Variants in AKAP6 observed in about 807,000 individuals in gnomAD.
The protein encoded by AKAP6 is A-kinase anchoring protein 6.
A neutral mutation model predicts 188.5 loss-of-function variants in AKAP6; 58 were observed. The observed-to-expected ratio is 0.31, with a 90% CI of 0.25 to 0.38. The LOEUF (loss-of-function observed/expected upper bound fraction) is 0.38, where lower values mean the gene tolerates loss of function less well. AKAP6 is among the 10% of genes least tolerant of loss of function. AKAP6 has a pLI of 1.00. For missense variants in AKAP6, 2,710 were observed against 2,740.0 expected (o/e 0.99, Z 0.24); for synonymous variants, 989 against 998.6 (o/e 0.99, Z 0.18).
chr14:32,438,735 C>T (rs755662440), intron 2 of AKAP6: 6 of 152,156 alleles, frequency 3.9e-5, no homozygotes, highest in Admixed American at 6.5e-5. Context: ...AGAATCTCTC[C>T]GCCTTCTTTG....
chr14:32,803,977 G>A (rs575498756), intron 12 of AKAP6, among the ~76,000 whole-genome samples: 6 of 152,256 alleles, frequency 3.9e-5, no homozygotes, highest in Admixed American at 3.9e-4. Flanking sequence ...TAATGGGTCT[G>A]ATTGGTTTTA....
intron 12 of AKAP6, among the ~76,000 whole-genome samples, chr14:32,780,157 C>CCATATATATATATATATAT (rs142218168): frequency 1.7e-5 from 2 of 119,392 alleles, no homozygotes; most frequent in African/African-American, 6.4e-5. Flanking sequence ...AAAAAAAAAA[C>CCATATATATATATATATAT]ATATATATAT....
At chr14:32,523,605 A>G (rs1881970331) in intron 2 of AKAP6, among the ~76,000 whole-genome samples, 1 of 151,724 alleles carries the variant, frequency 6.6e-6, no homozygotes, top group African/African-American at 2.4e-5. Flanking sequence ...AATAGCTGAG[A>G]CCACAGGCAC....
intron 9 of AKAP6, among the ~76,000 whole-genome samples, chr14:32,729,226 G>A (rs1171571453): frequency 2.0e-5 from 3 of 151,890 alleles, no homozygotes; most frequent in Non-Finnish European, 4.4e-5. Flanking sequence ...CTGTTTCAAG[G>A]CATTGTTCCA....
intron 7 of AKAP6, among the ~76,000 whole-genome samples, chr14:32,616,441 T>C (rs1399351440): frequency 6.6e-6 from 1 of 152,218 alleles, no homozygotes; most frequent in African/African-American, 2.4e-5. Flanking sequence ...AAAGAGATCA[T>C]GTCCTTTGCA....
chr14:32,821,744 G>A lies in AKAP6; in HGVS notation c.3931G>A (p.Val1311Ile). The A allele has an allele frequency of 3.1e-6, 5 of 1,613,674 alleles. No homozygotes were observed. The South Asian group carries it at 3.3e-5, about 11-fold the overall frequency. Residue 1311 changes from valine (V) to isoleucine (I), a missense_variant, in exon 13 of 14, where the codon GTC (valine) becomes ATC (isoleucine). Val to Ile is a conservative substitution (Grantham distance 29). This residue lies in a region of AKAP6 where 2,473 missense variants were observed against 2,426.1 expected (regional missense o/e 1.02). Coordinates refer to ENST00000280979, the MANE Select transcript of AKAP6 (RefSeq NM_004274.5). Reference protein sequence around the residue: ...HMPFLKNNPKVTGMTQPNVLT... With the variant: ...HMPFLKNNPKITGMTQPNVLT... The stretch of plus-strand genomic sequence containing the variant: ...GCCATTTCTGAAAAACAATCCAAAG[G>A]TCACTGGCATGACACAGCCTAATGT...
Position 32,603,518 on chromosome 14 carries a change from C to G in AKAP6, c.2730+2726C>G, listed in dbSNP as rs189953414. Reference sequence around the variant, plus strand: ...AGCATTTCTCAAAAAGAGGACCTGCCTACCCAGGCTCTTCCTCAGACCATA... The same window carrying G: ...AGCATTTCTCAAAAAGAGGACCTGCGTACCCAGGCTCTTCCTCAGACCATA... On this transcript the variant is annotated intron_variant, in intron 7 of 13. Transcript: ENST00000280979. 8.8e-4 allele frequency among the ~76,000 whole-genome samples: 134 copies of G among 152,266 alleles called. 1 individual carries two copies. The highest frequency in any genetic ancestry group is 2.9e-3 in the African/African-American group (122 of 41,560).
chr14:32,769,134 A>AC (rs1159400053), intron 11 of AKAP6, among the ~76,000 whole-genome samples: 3 of 131,788 alleles, frequency 2.3e-5, no homozygotes, highest in African/African-American at 8.7e-5. Context: ...TGCAACCTCC[A>AC]CCTCCTGGGC....
At chr14:32,464,983 T>G (rs968817535) in intron 2 of AKAP6, among the ~76,000 whole-genome samples, 1 of 152,116 alleles carries the variant, frequency 6.6e-6, no homozygotes, top group African/African-American at 2.4e-5. Flanking sequence ...TGAACTCCCA[T>G]TCACAACTGC....
intron 7 of AKAP6, among the ~76,000 whole-genome samples, chr14:32,620,976 G>T (rs932891290): frequency 6.6e-6 from 1 of 151,886 alleles, no homozygotes; most frequent in African/African-American, 2.4e-5. Flanking sequence ...AGTCTGGAAT[G>T]ATCATTTGTA....
At chr14:32,600,902 A>G (rs1885899521) in intron 7 of AKAP6, 110 bp downstream of exon 7, 1 of 997,032 alleles carries the variant, frequency 1.0e-6, no homozygotes, top group East Asian at 2.7e-5. Context: ...TACTGGGTAA[A>G]CTTTATATCT....
chr14:32,836,603 G>A lies in AKAP6; in HGVS notation c.*6798G>A, dbSNP rs1045421353. 2.6e-5 allele frequency: 4 copies of A among 152,192 alleles called. No homozygotes were observed. Among genetic ancestry groups the A allele is most frequent in the African/African-American group, 9.6e-5 (4 of 41,542 alleles). 9.4% of individuals were successfully genotyped at this position (152,192 alleles called of 1,614,324 possible). A position where few individuals can be genotyped will look rare whatever the true frequency, so the allele number is the denominator to read the frequency against. On this transcript the variant is annotated 3_prime_UTR_variant, in exon 14 of 14. Coordinates refer to ENST00000280979, the MANE Select transcript of AKAP6 (RefSeq NM_004274.5). ...GCAGAGTATCTTAAGGCAGCAGATTGGAGTGACGTTACTTTAAGGGTAACT... is the reference window on the plus strand; with the variant it reads ...GCAGAGTATCTTAAGGCAGCAGATTAGAGTGACGTTACTTTAAGGGTAACT...
At chr14:32,735,020 C>T (rs1223747930) in intron 10 of AKAP6, among the ~76,000 whole-genome samples, 4 of 151,994 alleles carry the variant, frequency 2.6e-5, no homozygotes, top group Admixed American at 6.6e-5. Context: ...AACACATATT[C>T]GGTATTAGAA....
chr14:32,336,065 T>G (rs61981848), intron 1 of AKAP6, among the ~76,000 whole-genome samples: 2,470 of 152,212 alleles, frequency 0.016, 32 homozygotes, highest in Middle Eastern at 0.034. Context: ...GAGATGCTGG[T>G]GACCAACTCC....
At chr14:32,792,217 G>A (rs867851001) in intron 12 of AKAP6, among the ~76,000 whole-genome samples, 17 of 152,084 alleles carry the variant, frequency 1.1e-4, no homozygotes, top group African/African-American at 3.4e-4. Flanking sequence ...TGGACAGTAC[G>A]GCCATTTTCA....
At chr14:32,761,765 C>T (rs939619892) in intron 11 of AKAP6, among the ~76,000 whole-genome samples, 1 of 151,970 alleles carries the variant, frequency 6.6e-6, no homozygotes, top group African/African-American at 2.4e-5. Context: ...TGTATGGCAC[C>T]GTACCCTCTC....
At chr14:32,375,250 G>T (rs963186437) in intron 1 of AKAP6, among the ~76,000 whole-genome samples, 3 of 152,192 alleles carry the variant, frequency 2.0e-5, no homozygotes, top group Admixed American at 6.5e-5. Flanking sequence ...ACGACTGGGT[G>T]TTTGATAATG....
At chr14:32,551,529 G>A (rs1204218869) in intron 4 of AKAP6, among the ~76,000 whole-genome samples, 1 of 143,464 alleles carries the variant, frequency 7.0e-6, no homozygotes, top group Non-Finnish European at 1.5e-5. Context: ...TTGGGAGCGT[G>A]CCATGGCACT....
chr14:32,583,080 T>C (rs2139289071), intron 5 of AKAP6, among the ~76,000 whole-genome samples: 1 of 152,330 alleles, frequency 6.6e-6, no homozygotes, highest in South Asian at 2.1e-4. Context: ...TTTTAGAGTT[T>C]CCAGTTTTTC....
Sources: allele counts gnomAD v4.1 joint callset (sites outside exome capture counted in the v4.1 genomes callset), GRCh38; gene constraint gnomAD v4.1.1; regional missense constraint gnomAD v4.1.1; transcripts MANE v1.5; gene names NCBI Gene and HGNC (gene_info 2026-07-23, HGNC 2026-07-21).